The following ATG2B variants were observed in gnomAD, a reference collection of about 807,000 sequenced individuals.
ATG2B encodes autophagy related 2B.
ATG2B carries 121 observed loss-of-function variants against 241.3 expected under a neutral mutation model. The ratio of observed to expected loss-of-function variants is 0.50; its 90% confidence interval spans 0.43 to 0.58. The LOEUF (loss-of-function observed/expected upper bound fraction) is 0.58. Ranked by LOEUF, ATG2B falls within the 20% of genes least tolerant of loss-of-function variation. The probability of loss-of-function intolerance (pLI) is 0.00; values close to 1 mark genes in which losing one functional copy is unlikely to be tolerated. For synonymous variants in ATG2B, 858 were observed against 876.6 expected, an observed-to-expected ratio of 0.98 and a Z score of 0.37; for missense variants, 2,306 against 2,491.6, an observed-to-expected ratio of 0.93 and a Z score of 1.59.
chr14:96,313,080 G>A lies in ATG2B; in HGVS notation c.3827C>T (p.Ser1276Phe). 6.2e-7 allele frequency: 1 copy of A among 1,611,050 alleles called. No individual in the cohort carries two copies. The highest frequency in any genetic ancestry group is 8.5e-7 in the Non-Finnish European group (1 of 1,177,448). Residue 1276 changes from serine to phenylalanine, a missense_variant, in exon 25 of 42, where the codon TCT becomes TTT. Physicochemically the swap from Ser to Phe is radical, Grantham distance 155 (BLOSUM62 -2). Transcript: ENST00000359933. ...ACACAGGTACCTGAGAGTAGAGGAA[G>A]ATTTATCCAATGCAACGCTACTGGA... ...SVSSSVALDK[S>F]SSTLRIILDE... is the part of the protein sequence containing the mutation.
intron 5 of ATG2B, among the ~76,000 whole-genome samples, chr14:96,342,455 C>CT (rs1212011167): frequency 6.6e-6 from 1 of 152,164 alleles, no homozygotes; most frequent in Non-Finnish European, 1.5e-5. Flanking sequence ...GACGTGGTGG[C>CT]TCACGCCTGT....
intron 41 of ATG2B, among the ~76,000 whole-genome samples, chr14:96,287,813 T>C (rs1374710360): frequency 2.0e-5 from 3 of 152,192 alleles, no homozygotes; most frequent in Admixed American, 2.0e-4. Flanking sequence ...TGTTTTACAA[T>C]CCTTTAAAAT....
intron 1 of ATG2B, among the ~76,000 whole-genome samples, chr14:96,349,820 A>G (rs981603138): frequency 6.6e-6 from 1 of 152,106 alleles, no homozygotes; most frequent in Non-Finnish European, 1.5e-5. Flanking sequence ...CTCCAGCTAG[A>G]GCTCAGGAGA....
chr14:96,316,931 G>A (rs980337020), intron 20 of ATG2B, among the ~76,000 whole-genome samples: 2 of 152,132 alleles, frequency 1.3e-5, no homozygotes, highest in African/African-American at 4.8e-5. Context: ...ATTAGCACCT[G>A]TTTTCCAAAG....
At chr14:96,356,656 A>C (rs1449912016) in intron 1 of ATG2B, among the ~76,000 whole-genome samples, 1 of 152,154 alleles carries the variant, frequency 6.6e-6, no homozygotes, top group Non-Finnish European at 1.5e-5. Flanking sequence ...TCTAGAGCCA[A>C]AATCTGTATG....
chr14:96,320,828 C>T (rs559748985), intron 18 of ATG2B, among the ~76,000 whole-genome samples: 1 of 151,956 alleles, frequency 6.6e-6, no homozygotes, highest in Non-Finnish European at 1.5e-5. Context: ...TTGCGGACAC[C>T]CCTGAACTAT....
chr14:96,355,898 G>T (rs1003091145), intron 1 of ATG2B, among the ~76,000 whole-genome samples: 2 of 152,092 alleles, frequency 1.3e-5, no homozygotes, highest in African/African-American at 4.8e-5. Context: ...CTGGCTGAGG[G>T]CGGTGGCTCA....
chr14:96,289,772 G>T lies in ATG2B; in HGVS notation c.5890C>A (p.Pro1964Thr). Residue 1964 changes from proline (P) to threonine (T), a missense_variant, in exon 41 of 42, where the codon CCT becomes ACT. Physicochemically the swap from Pro to Thr is conservative, Grantham distance 38 (BLOSUM62 -1). Transcript: ENST00000359933. This position sits in a 1 kb window ranked among gnomAD's most constrained non-coding sequence, Gnocchi z 4.3. Reference protein sequence around the residue: ...AAETAYDMVSPGTLSIEPKKT... With the variant: ...AAETAYDMVSTGTLSIEPKKT... ...TTGGGCTCGATAGAAAGGGTACCAG[G>T]AGACACCATATCATAAGCAGTCTCT... 1 of 1,614,126 alleles carries T rather than the reference G, an allele frequency of 6.2e-7. No homozygotes were observed. Among genetic ancestry groups the T allele is most frequent in the Non-Finnish European group, 8.5e-7 (1 of 1,180,002 alleles).
intron 1 of ATG2B, among the ~76,000 whole-genome samples, chr14:96,348,740 G>A (rs955791801): frequency 1.3e-5 from 2 of 151,424 alleles, no homozygotes; most frequent in Non-Finnish European, 2.9e-5. Flanking sequence ...ATAATTTATT[G>A]TACATTTTTA....
chr14:96,307,107 A>C (rs902018841), intron 29 of ATG2B, among the ~76,000 whole-genome samples, 191 bp from the exon 30 acceptor site: 87 of 152,274 alleles, frequency 5.7e-4, no homozygotes, highest in Non-Finnish European at 1.1e-3. Context: ...CAAGAGTCAG[A>C]AATACATCAA....
intron 1 of ATG2B, among the ~76,000 whole-genome samples, chr14:96,360,462 C>T (rs1888592737): frequency 6.6e-6 from 1 of 152,126 alleles, no homozygotes; most frequent in Non-Finnish European, 1.5e-5. Flanking sequence ...AAAAACATTG[C>T]TTATTTTTTA....
rs1187781334 is a variant in ATG2B, at chr14:96,302,053, C to T, written c.5093G>A (p.Cys1698Tyr). 5.0e-6 allele frequency: 8 copies of T among 1,614,096 alleles called. No individual in the cohort carries two copies. The highest frequency in any genetic ancestry group is 6.8e-6 in the Non-Finnish European group (8 of 1,179,986). The change falls in exon 34 of 42, where the codon TGC (cysteine) becomes TAC (tyrosine). Residue 1698 changes from cysteine to tyrosine, a missense_variant. Cys to Tyr is a radical substitution (Grantham distance 194). Transcript: ENST00000359933. Reference sequence around the variant, plus strand: ...CGGCATCAGCGACACTCTCAAGCAGCACTCCTGTGGGGACCTGCCAGATTC... The same window carrying T: ...CGGCATCAGCGACACTCTCAAGCAGTACTCCTGTGGGGACCTGCCAGATTC... ...CPESGRSPQE[C>Y]CLRVSLMPLR...
At chr14:96,330,096 T>C (rs368563595) in intron 11 of ATG2B, among the ~76,000 whole-genome samples, 13 of 147,292 alleles carry the variant, frequency 8.8e-5, no homozygotes, top group African/African-American at 3.3e-4. Flanking sequence ...ATGCCTGTAA[T>C]CCCAGCACTT....
chr14:96,302,150 T>A, intron 33 of ATG2B, 42 bp from the exon 34 acceptor site: 1 of 1,225,368 alleles, frequency 8.2e-7, no homozygotes, highest in Admixed American at 1.8e-5. Context: ...CCCAATAATA[T>A]GATGACCTTC....
intron 32 of ATG2B, among the ~76,000 whole-genome samples, chr14:96,303,572 G>T (rs1886853682): frequency 6.6e-6 from 1 of 152,202 alleles, no homozygotes; most frequent in East Asian, 1.9e-4. Context: ...TTAGTATAGT[G>T]TTATAATTAT....
rs1887321957 is a variant in ATG2B, at chr14:96,316,673, C to A, written c.3221G>T (p.Gly1074Val). ...ACCATGCTTGTTTTCCAACAGATCT[C>A]CATTATCTTGCTAGTAAAAAGATCA... Reference protein sequence around the residue: ...AVFTDVKQDNGDLLENKHGEF... With the variant: ...AVFTDVKQDNVDLLENKHGEF... The change falls in exon 21 of 42, where the codon GGA becomes GTA. Residue 1074 changes from glycine to valine, a missense_variant. Gly to Val is a moderately radical substitution (Grantham distance 109). Around this residue, in one of 2 missense-constraint regions of ATG2B, gnomAD observed 1,927 missense variants for 2,011.2 expected, o/e 0.96. Coordinates refer to ENST00000359933, the MANE Select transcript of ATG2B (RefSeq NM_018036.7). 2 of 1,605,170 alleles carry A rather than the reference C, an allele frequency of 1.2e-6. No individual in the cohort carries two copies.
intron 1 of ATG2B, among the ~76,000 whole-genome samples, chr14:96,348,418 C>G (rs1355304719): frequency 6.6e-6 from 1 of 152,148 alleles, no homozygotes; most frequent in Non-Finnish European, 1.5e-5. Context: ...CATGGTGGCT[C>G]ACACCTATAA....
intron 6 of ATG2B, among the ~76,000 whole-genome samples, chr14:96,335,752 A>T (rs1294554567): frequency 1.3e-5 from 2 of 152,164 alleles, no homozygotes; most frequent in African/African-American, 2.4e-5. Context: ...GAGAGAGAAA[A>T]TGTGTTTCTA....
intron 6 of ATG2B, among the ~76,000 whole-genome samples, chr14:96,338,515 C>T (rs1033233845): frequency 6.6e-6 from 1 of 151,998 alleles, no homozygotes. Context: ...TGAATTTCAT[C>T]AAATGCAAAA....
Sources: gnomAD v4.1 joint callset for allele counts (sites outside exome capture counted in the v4.1 genomes callset) on GRCh38, gnomAD v4.1.1 for gene constraint, gnomAD v4.1.1 regional missense constraint, Gnocchi (gnomAD v3.1) non-coding constraint, MANE v1.5 for transcripts, NCBI Gene and HGNC (gene_info 2026-07-23, HGNC 2026-07-21) for gene names.